Variants in CD84 observed in about 807,000 individuals in gnomAD.
CD84 encodes the protein CD84 molecule, also known as SLAM family member 5.
Under a neutral mutation model 33.8 loss-of-function variants are expected in CD84, and 22 were observed. The observed-to-expected ratio is 0.65, with a 90% confidence interval of 0.46 to 0.93. CD84 has a LOEUF of 0.93. Among genes scored for constraint, CD84 ranks in the 40% least tolerant of loss-of-function variants. The pLI, the probability that CD84 is intolerant of heterozygous loss-of-function variation, is 0.00. For missense variants in CD84, 400 were observed against 397.6 expected (o/e 1.01, Z -0.05); for synonymous variants, 154 against 145.2 (o/e 1.06, Z -0.44).
chr1:160,566,771 G>A (rs6670721), intron 1 of CD84, among the ~76,000 whole-genome samples: 38,918 of 152,060 alleles, frequency 0.26, 5,402 homozygotes, highest in Middle Eastern at 0.38. Context: ...TGGGAATCGA[G>A]GGAACATTTC....
chr1:160,575,766 G>A (rs1245847927), intron 1 of CD84, among the ~76,000 whole-genome samples: 2 of 152,112 alleles, frequency 1.3e-5, no homozygotes, highest in Admixed American at 6.5e-5. Context: ...TTTGATTTAG[G>A]AATACTCCAG....
At chr1:160,553,849 G>A (rs1275148330) in intron 3 of CD84, 46 bp downstream of exon 3, 3 of 1,613,696 alleles carry the variant, frequency 1.9e-6, no homozygotes, top group Non-Finnish European at 2.5e-6. Flanking sequence ...CAGCTCCTCA[G>A]AGTGATCTCT....
At chr1:160,548,889 G>A (rs777278169) in intron 6 of CD84, among the ~76,000 whole-genome samples, 135 of 152,050 alleles carry the variant, frequency 8.9e-4, no homozygotes, top group Admixed American at 1.8e-3. Flanking sequence ...TTAATCCCTC[G>A]AATTTTATCT....
At chr1:160,573,929 GA>G (rs1419750400) in intron 1 of CD84, among the ~76,000 whole-genome samples, 2 of 151,296 alleles carry the variant, frequency 1.3e-5, no homozygotes, top group African/African-American at 4.9e-5. Context: ...CTATGAAAAA[GA>G]AAATAAAAAA....
Position 160,548,074 on chromosome 1 carries a change from T to A in CD84, c.*182A>T. ...GGAGTCATTTCAGGAAGGGTATGCA[T>A]CCATTTGTCCATTTAGGCACAAGCT... On this transcript the variant is annotated 3_prime_UTR_variant, in exon 7 of 7. Transcript: ENST00000368054. 3 of 628,868 alleles carry A rather than the reference T, an allele frequency of 4.8e-6. No individual in the cohort carries two copies. Among genetic ancestry groups the A allele is most frequent in the Non-Finnish European group, 8.5e-6 (3 of 352,558 alleles). The allele number at this position is 628,868 out of a possible 1,614,324, so 39.0% of individuals were successfully genotyped here. A position where few individuals can be genotyped will look rare whatever the true frequency, so the allele number is the denominator to read the frequency against.
rs1489700202 is a variant in CD84 at position 160,542,181 on chromosome 1, C to A, written c.*6075G>T. ...AGCTACTGTGATTCAGCCTTAAAGACTTCACCTTTCTGTGACCCAGTTTCC... is the reference window on the plus strand; with the variant it reads ...AGCTACTGTGATTCAGCCTTAAAGAATTCACCTTTCTGTGACCCAGTTTCC... On this transcript the variant is annotated 3_prime_UTR_variant, in exon 7 of 7. Transcript: ENST00000368054. 6.6e-6 allele frequency: 1 copy of A among 152,238 alleles called. No homozygotes were observed. The highest frequency in any genetic ancestry group is 1.5e-5 in the Non-Finnish European group (1 of 68,034). The allele number at this position is 152,238 out of a possible 1,614,324, so 9.4% of individuals were successfully genotyped here. A position where few individuals can be genotyped will look rare whatever the true frequency, so the allele number is the denominator to read the frequency against.
Position 160,543,400 on chromosome 1 carries a change from T to C in CD84, c.*4856A>G, listed in dbSNP as rs1216554334. On this transcript the variant is annotated 3_prime_UTR_variant, in exon 7 of 7. Transcript: ENST00000368054. ...GGTGACAAGAAGTCTTGAATTCAAATACTGTCTTCCCAGCTTTCCAGATTT... is the reference window on the plus strand; with the variant it reads ...GGTGACAAGAAGTCTTGAATTCAAACACTGTCTTCCCAGCTTTCCAGATTT... The C allele has an allele frequency of 1.3e-5, 2 of 152,122 alleles. No individual in the cohort carries two copies. Among genetic ancestry groups the C allele is most frequent in the African/African-American group, 4.8e-5 (2 of 41,428 alleles). 9.4% of individuals were successfully genotyped at this position (152,122 alleles called of 1,614,324 possible).
chr1:160,567,468 G>T (rs1206235405), intron 1 of CD84, among the ~76,000 whole-genome samples: 1 of 152,160 alleles, frequency 6.6e-6, no homozygotes, highest in African/African-American at 2.4e-5. Context: ...GATACAACAG[G>T]GTGGGGAGTA....
intron 3 of CD84, 186 bp from the exon 4 acceptor site, chr1:160,553,683 A>C: frequency 2.1e-6 from 2 of 946,224 alleles, no homozygotes; most frequent in Non-Finnish European, 3.1e-6. Context: ...AGAGTTGATC[A>C]GGGGCTGCCA....
chr1:160,564,542 AC>A (rs1657196172), intron 2 of CD84, among the ~76,000 whole-genome samples: 1 of 152,254 alleles, frequency 6.6e-6, no homozygotes, highest in Admixed American at 6.5e-5. Context: ...TGGTTAAACA[AC>A]CTAGTGCATC....
Position 160,549,835 on chromosome 1 carries a change from A to G in CD84, c.921+82T>C, listed in dbSNP as rs1347915153. 5.9e-6 allele frequency: 6 copies of G among 1,021,672 alleles called. No homozygotes were observed. The African/African-American group carries it at 6.3e-5, about 11-fold the overall frequency. 63.3% of individuals were successfully genotyped at this position (1,021,672 alleles called of 1,614,324 possible). ...ACAAGGAGTCCCAGGGGAACCAGCT[A>G]GCCCCTGGTTGGATGGACCGGGTGC... On this transcript the variant is annotated intron_variant, in intron 6 of 6. Coordinates refer to ENST00000368054, the MANE Select transcript of CD84 (RefSeq NM_003874.4).
intron 2 of CD84, among the ~76,000 whole-genome samples, chr1:160,556,013 G>A (rs1422960980): frequency 2.0e-5 from 3 of 152,150 alleles, no homozygotes; most frequent in Non-Finnish European, 2.9e-5. Flanking sequence ...TGACTGATAC[G>A]ATATCAATTA....
chr1:160,553,124 A>G, intron 4 of CD84: 1 of 614,534 alleles, frequency 1.6e-6, no homozygotes, highest in Non-Finnish European at 2.9e-6. Flanking sequence ...CAGCTTGTTC[A>G]TGTATGTACT....
rs1655769909 is a variant in CD84, at chr1:160,545,411, C to T, written c.*2845G>A. The T allele has an allele frequency of 6.6e-6, 1 of 152,174 alleles. No individual in the cohort carries two copies. The highest frequency in any genetic ancestry group is 2.4e-5 in the African/African-American group (1 of 41,434). 9.4% of individuals were successfully genotyped at this position (152,174 alleles called of 1,614,324 possible). ...GGTTTTATTTTAGGATAAACGCAGCCTGTTCAGTGTCACTTTGGAATTCCT... is the reference window on the plus strand; with the variant it reads ...GGTTTTATTTTAGGATAAACGCAGCTTGTTCAGTGTCACTTTGGAATTCCT... On this transcript the variant is annotated 3_prime_UTR_variant, in exon 7 of 7. Coordinates refer to ENST00000368054, the MANE Select transcript of CD84 (RefSeq NM_003874.4).
At chr1:160,568,123 GGA>G (rs1657441526) in intron 1 of CD84, among the ~76,000 whole-genome samples, 1 of 152,122 alleles carries the variant, frequency 6.6e-6, no homozygotes, top group African/African-American at 2.4e-5. Context: ...TTAGGTGTGA[GGA>G]GAGAGACAGA....
intron 2 of CD84, among the ~76,000 whole-genome samples, chr1:160,556,790 G>A (rs1223384625): frequency 1.3e-5 from 2 of 152,140 alleles, no homozygotes; most frequent in Non-Finnish European, 2.9e-5. Flanking sequence ...ACTGTACTGT[G>A]TCCTAATTGC....
In CD84 at chr1:160,572,356, C is replaced by T. The variant is rs181013866; in HGVS notation, c.47-6611G>A. Among the ~76,000 whole-genome samples, 28 of 152,034 alleles carry T rather than the reference C, an allele frequency of 1.8e-4. No individual in the cohort carries two copies. In the East Asian group the frequency reaches 4.2e-3, roughly 23 times the overall value. ...CAACAGTGAGGAGGCAAGAGTGGGA[C>T]CAGCTAGGAGGTATACAGACTAAAG... On this transcript the variant is annotated intron_variant, in intron 1 of 6. Coordinates refer to ENST00000368054, the MANE Select transcript of CD84 (RefSeq NM_003874.4).
At chr1:160,579,011 G>T (rs577343971) in intron 1 of CD84, among the ~76,000 whole-genome samples, 1 of 152,130 alleles carries the variant, frequency 6.6e-6, no homozygotes, top group East Asian at 1.9e-4. Flanking sequence ...TCTCTCAAAC[G>T]CCATCACAAT....
At chr1:160,557,947 C>G (rs939519948) in intron 2 of CD84, among the ~76,000 whole-genome samples, 4 of 152,176 alleles carry the variant, frequency 2.6e-5, no homozygotes, top group Admixed American at 2.6e-4. Context: ...TTCAGCCACT[C>G]TAGCCAGGGT....
Sources: gnomAD v4.1 joint callset for allele counts (sites outside exome capture counted in the v4.1 genomes callset) on GRCh38, gnomAD v4.1.1 for gene constraint, MANE v1.5 for transcripts, NCBI Gene and HGNC (gene_info 2026-07-23, HGNC 2026-07-21) for gene names.